The following EIPR1 variants were observed in gnomAD, a reference collection of about 807,000 sequenced individuals.
EIPR1 encodes EARP complex and GARP complex interacting protein 1, also known as EARP and GARP complex-interacting protein 1.
In EIPR1, 25 loss-of-function variants were observed where a neutral mutation model predicts 48.1. The ratio of observed to expected loss-of-function variants is 0.52; its 90% CI spans 0.38 to 0.73. The LOEUF is 0.73. Ranked by LOEUF, EIPR1 falls within the 30% of genes least tolerant of loss-of-function variation. EIPR1 has a pLI of 0.00. For synonymous variants in EIPR1, 204 were observed against 201.9 expected (o/e 1.01, Z -0.09); for missense variants, 415 against 506.2 (o/e 0.82, Z 1.73).
At chr2:3,285,972 A>T (rs1180329795) in intron 3 of EIPR1, among the ~76,000 whole-genome samples, 5 of 152,044 alleles carry the variant, frequency 3.3e-5, no homozygotes, top group Admixed American at 6.5e-5. Flanking sequence ...TGTCTCCGGG[A>T]CCCTCACTTT....
Position 3,190,761 on chromosome 2 carries a change from C to T in EIPR1, c.990-1253G>A, listed in dbSNP as rs1169551480. Among the ~76,000 whole-genome samples the T allele has an allele frequency of 2.0e-5, 3 of 152,056 alleles. No individual in the cohort carries two copies. In the East Asian group the frequency reaches 5.8e-4, roughly 29 times the overall value. On this transcript the variant is annotated intron_variant, in intron 8 of 8. Transcript: ENST00000382125. Reference sequence around the variant, plus strand: ...CGAGAGACCACTGGGCAGATGCTACCGTGCGTGTGCTTAAATACTATTCTA... The same window carrying T: ...CGAGAGACCACTGGGCAGATGCTACTGTGCGTGTGCTTAAATACTATTCTA...
chr2:3,256,546 A>C (rs954100653), intron 4 of EIPR1, among the ~76,000 whole-genome samples: 11 of 152,206 alleles, frequency 7.2e-5, no homozygotes, highest in Non-Finnish European at 7.3e-5. Flanking sequence ...GACGAGACAG[A>C]AGTCACTGTA....
At chr2:3,269,769 G>A (rs114001571) in intron 3 of EIPR1, among the ~76,000 whole-genome samples, 143 of 152,220 alleles carry the variant, frequency 9.4e-4, no homozygotes, top group African/African-American at 3.0e-3. Flanking sequence ...ATCTCGCTTC[G>A]TCCAAACAAA....
chr2:3,252,898 A>C (rs1667045254), intron 4 of EIPR1, among the ~76,000 whole-genome samples: 1 of 152,224 alleles, frequency 6.6e-6, no homozygotes, highest in South Asian at 2.1e-4. Flanking sequence ...ATCAGAAATA[A>C]AAAACTCTAA....
Position 3,214,135 on chromosome 2 carries a change from T to C in EIPR1, c.516+14A>G. On this transcript the variant is annotated intron_variant, in intron 5 of 8. Coordinates refer to ENST00000382125, the MANE Select transcript of EIPR1 (RefSeq NM_003310.5). ...AAATACAGAAACAAACGCTGTGTTG[T>C]TGCTTTTACTTACCACAGCCTGGCT... The C allele has an allele frequency of 6.2e-7, 1 of 1,609,890 alleles. No homozygotes were observed. Among genetic ancestry groups the C allele is most frequent in the Non-Finnish European group, 8.5e-7 (1 of 1,176,822 alleles).
chr2:3,258,765 C>T (rs1437327038), intron 3 of EIPR1, among the ~76,000 whole-genome samples: 1 of 152,082 alleles, frequency 6.6e-6, no homozygotes, highest in African/African-American at 2.4e-5. Context: ...TTTTCTGATT[C>T]CAAATTCAGT....
intron 3 of EIPR1, among the ~76,000 whole-genome samples, chr2:3,324,272 G>T (rs1427994144): frequency 2.0e-5 from 3 of 152,116 alleles, no homozygotes; most frequent in Non-Finnish European, 4.4e-5. Context: ...ACAGCTCACT[G>T]CCCCTGGGGA....
chr2:3,359,140 C>G (rs1290366801), intron 1 of EIPR1, among the ~76,000 whole-genome samples: 1 of 152,192 alleles, frequency 6.6e-6, no homozygotes, highest in Non-Finnish European at 1.5e-5. Flanking sequence ...AAAACACTGG[C>G]ACAGACCATA....
At chr2:3,230,891 T>A in intron 4 of EIPR1, among the ~76,000 whole-genome samples, 1 of 152,212 alleles carries the variant, frequency 6.6e-6, no homozygotes, top group East Asian at 1.9e-4. Context: ...ATAAATGCCA[T>A]CAGAACTTTG....
rs149637896 is a variant in EIPR1 at position 3,278,815 on chromosome 2, A to G, written c.260-21360T>C. Reference sequence around the variant, plus strand: ...CAGCAACCCCATAACTGGCAACCCCATAAGCCCCACAGAGGCTGCCCTGTG... The same window carrying G: ...CAGCAACCCCATAACTGGCAACCCCGTAAGCCCCACAGAGGCTGCCCTGTG... On this transcript the variant is annotated intron_variant, in intron 3 of 8. Coordinates refer to ENST00000382125, the MANE Select transcript of EIPR1 (RefSeq NM_003310.5). 5.1e-3 allele frequency among the ~76,000 whole-genome samples: 778 copies of G among 152,244 alleles called. 5 individuals are homozygous for G. Among genetic ancestry groups the G allele is most frequent in the African/African-American group, 0.017 (727 of 41,564 alleles).
intron 3 of EIPR1, among the ~76,000 whole-genome samples, chr2:3,259,597 G>A (rs1175337708): frequency 6.6e-6 from 1 of 152,118 alleles, no homozygotes; most frequent in Non-Finnish European, 1.5e-5. Context: ...AGGCAATGGA[G>A]GAACCTCCAA....
At chr2:3,255,713 C>G (rs116430374) in intron 4 of EIPR1, among the ~76,000 whole-genome samples, 1,549 of 152,346 alleles carry the variant, frequency 0.01, 19 homozygotes, top group Middle Eastern at 0.095. Flanking sequence ...ATCCGCTACA[C>G]ATGCTAACCT....
chr2:3,208,716 T>A (rs1665322926), intron 5 of EIPR1: 2 of 1,550,136 alleles, frequency 1.3e-6, no homozygotes, highest in East Asian at 4.9e-5. Flanking sequence ...GGGTCCTTCT[T>A]CCATGCGTGA....
chr2:3,194,229 C>T (rs1010498354), intron 6 of EIPR1, 63 bp from the exon 7 acceptor site: 11 of 1,585,072 alleles, frequency 6.9e-6, no homozygotes, highest in Non-Finnish European at 9.5e-6. Flanking sequence ...CCACTGCGTG[C>T]TGCGGGCACA....
rs11685261 is a variant in EIPR1 at position 3,257,657 on chromosome 2, A to T, written c.260-202T>A. On this transcript the variant is annotated intron_variant, in intron 3 of 8. Coordinates refer to ENST00000382125, the MANE Select transcript of EIPR1 (RefSeq NM_003310.5). Reference sequence around the variant, plus strand: ...GAACCCGGCACGGTTCGTAATCAGCATCCTGTTCCCCACTTTCTCTTTGTT... The same window carrying T: ...GAACCCGGCACGGTTCGTAATCAGCTTCCTGTTCCCCACTTTCTCTTTGTT... 5.3e-3 allele frequency: 2,450 copies of T among 460,388 alleles called. 11 individuals are homozygous for T. Among genetic ancestry groups the T allele is most frequent in the Non-Finnish European group, 7.7e-3 (2,036 of 265,388 alleles). 28.5% of individuals were successfully genotyped at this position (460,388 alleles called of 1,614,324 possible).
At chr2:3,203,858 A>C (rs1443632361) in intron 5 of EIPR1, among the ~76,000 whole-genome samples, 1 of 152,208 alleles carries the variant, frequency 6.6e-6, no homozygotes, top group East Asian at 1.9e-4. Flanking sequence ...AGCTGGAGGA[A>C]TCCAGGCCCT....
intron 4 of EIPR1, among the ~76,000 whole-genome samples, chr2:3,243,079 G>A (rs1271139392): frequency 1.3e-5 from 2 of 152,100 alleles, no homozygotes; most frequent in Non-Finnish European, 2.9e-5. Context: ...TTTGACACTG[G>A]GTAACTCAGT....
At chr2:3,336,806 A>G (rs71449660) in intron 3 of EIPR1, among the ~76,000 whole-genome samples, 2,297 of 102,334 alleles carry the variant, frequency 0.022, 71 homozygotes, top group Non-Finnish European at 0.026. Context: ...AAAAGAAAAG[A>G]AAAGGAAAAG....
chr2:3,294,770 C>T (rs1668486881), intron 3 of EIPR1, among the ~76,000 whole-genome samples: 1 of 140,290 alleles, frequency 7.1e-6, no homozygotes, highest in African/African-American at 2.7e-5. Context: ...CCATCCAGCC[C>T]ATCCTCTCTC....
Sources: gnomAD v4.1 joint callset for allele counts (sites outside exome capture counted in the v4.1 genomes callset) on GRCh38, gnomAD v4.1.1 for gene constraint, MANE v1.5 for transcripts, NCBI Gene and HGNC (gene_info 2026-07-23, HGNC 2026-07-21) for gene names.